The following FBXO34 variants were observed in gnomAD, a reference collection of about 807,000 sequenced individuals.
The protein encoded by FBXO34 is F-box only protein 34.
Under a neutral mutation model 24.5 loss-of-function variants are expected in FBXO34, and 12 were observed. The ratio of observed to expected loss-of-function variants is 0.49; its 90% CI spans 0.31 to 0.79. The LOEUF (loss-of-function observed/expected upper bound fraction) is 0.79, where lower values mean the gene tolerates loss of function less well. Among genes scored for constraint, FBXO34 ranks in the 30% least tolerant of loss-of-function variants. The pLI, the probability that FBXO34 is intolerant of heterozygous loss-of-function variation, is 0.04. For missense variants in FBXO34, 823 were observed against 857.7 expected, an observed-to-expected ratio of 0.96 and a Z score of 0.51; for synonymous variants, 320 against 311.9, an observed-to-expected ratio of 1.03 and a Z score of -0.27.
At chr14:55,439,623 C>CCG in the FBXO34 span, among the ~76,000 whole-genome samples, 3 of 136,742 alleles carry the variant, frequency 2.2e-5, no homozygotes, top group African/African-American at 8.0e-5. Context: ...AACCCCCCCC[C>CCG]GTCTCTACTA....
the FBXO34 span, among the ~76,000 whole-genome samples, chr14:55,388,861 G>C: frequency 6.6e-6 from 1 of 152,306 alleles, no homozygotes; most frequent in Admixed American, 6.5e-5. Context: ...GCTATTCAAA[G>C]TGTGGCGTCT....
chr14:55,323,226 T>TATATATATATATATATATATATATATATA (rs1491370677), intron 1 of FBXO34, among the ~76,000 whole-genome samples: 1 of 20,526 alleles, frequency 4.9e-5, no homozygotes, highest in African/African-American at 7.2e-4. Flanking sequence ...AAAATATATA[T>TATATATATATATATATATATATATATATA]TTTTTTTTTT....
intron 1 of FBXO34, chr14:55,298,909 C>A: frequency 6.3e-7 from 1 of 1,583,468 alleles, no homozygotes; most frequent in Non-Finnish European, 8.7e-7. Context: ...AATGCCAACA[C>A]CAATACCGAG....
intron 1 of FBXO34, among the ~76,000 whole-genome samples, chr14:55,337,403 C>T (rs564441223): frequency 6.6e-6 from 1 of 152,318 alleles, no homozygotes; most frequent in South Asian, 2.1e-4. Context: ...ATGTTCTCTT[C>T]CATGTGTTCT....
chr14:55,392,897 G>A, the FBXO34 span, among the ~76,000 whole-genome samples: 1 of 152,124 alleles, frequency 6.6e-6, no homozygotes, highest in Non-Finnish European at 1.5e-5. Flanking sequence ...GAGGGGTTCA[G>A]AAATATATCA....
At chr14:55,298,476 A>C (rs541891203) in intron 1 of FBXO34, among the ~76,000 whole-genome samples, 1 of 152,312 alleles carries the variant, frequency 6.6e-6, no homozygotes, top group South Asian at 2.1e-4. Flanking sequence ...ACATACACAG[A>C]AGTAGAGTCA....
At chr14:55,307,850 G>C (rs1032540791) in intron 1 of FBXO34, among the ~76,000 whole-genome samples, 3 of 152,178 alleles carry the variant, frequency 2.0e-5, no homozygotes, top group African/African-American at 7.2e-5. Flanking sequence ...ATGACTGTTA[G>C]CATTTATTCC....
At chr14:55,440,441 CT>C in the FBXO34 span, 1 of 1,613,028 alleles carries the variant, frequency 6.2e-7, no homozygotes, top group Non-Finnish European at 8.5e-7. Flanking sequence ...AGGTCTCCTC[CT>C]GCTCCATGGA....
chr14:55,360,348 C>T (rs1884577319), intron 3 of FBXO34, among the ~76,000 whole-genome samples: 1 of 152,162 alleles, frequency 6.6e-6, no homozygotes, highest in Non-Finnish European at 1.5e-5. Flanking sequence ...GCTGGGATGA[C>T]AGGCATGAGC....
chr14:55,439,511 C>T, the FBXO34 span, among the ~76,000 whole-genome samples: 1 of 150,914 alleles, frequency 6.6e-6, no homozygotes, highest in East Asian at 2.0e-4. Flanking sequence ...GGCGGGGGGC[C>T]AGGAGTGGTG....
chr14:55,377,767 T>C, the FBXO34 span: 7 of 1,366,326 alleles, frequency 5.1e-6, no homozygotes, highest in Admixed American at 2.3e-5. Flanking sequence ...ATACAACTCC[T>C]CTAACAGGAT....
intron 1 of FBXO34, among the ~76,000 whole-genome samples, chr14:55,340,977 A>T (rs2209808): frequency 0.36 from 54,691 of 151,906 alleles, 10,463 homozygotes; most frequent in Non-Finnish European, 0.42. Context: ...AAATATTTTT[A>T]AAAAATTTAT....
rs1445702395 is a variant in FBXO34, at chr14:55,276,740, T to TAAA, written c.-11+5205_-11+5206insAAA. Among the ~76,000 whole-genome samples, 4 of 152,340 alleles carry TAAA rather than the reference T, an allele frequency of 2.6e-5. No homozygotes were observed. In the East Asian group the frequency reaches 5.8e-4, roughly 22 times the overall value. ...TAAACAGTTCCAGGTGCAGGGGCTT[T>TAAA]AAGACTATTACAAGGTGATAGATTC... On this transcript the variant is annotated intron_variant, in intron 1 of 1. Transcript: ENST00000313833.
intron 1 of FBXO34, among the ~76,000 whole-genome samples, chr14:55,345,736 T>C (rs929988743): frequency 3.3e-5 from 5 of 152,220 alleles, no homozygotes; most frequent in Non-Finnish European, 7.3e-5. Context: ...GTGTGGTGGC[T>C]CACTCCTGTA....
chr14:55,372,391 C>A (rs1201127869), downstream of FBXO34, among the ~76,000 whole-genome samples: 1 of 152,116 alleles, frequency 6.6e-6, no homozygotes, highest in Non-Finnish European at 1.5e-5. Flanking sequence ...TGGGCTCCCT[C>A]CTTTACTAAA....
chr14:55,363,063 C>T (rs1010790965), downstream of FBXO34, among the ~76,000 whole-genome samples: 1 of 146,388 alleles, frequency 6.8e-6, no homozygotes. Flanking sequence ...GCTCTTGTTG[C>T]CCAGGCTGGA....
chr14:55,418,787 C>T, the FBXO34 span, among the ~76,000 whole-genome samples: 1 of 152,206 alleles, frequency 6.6e-6, no homozygotes, highest in Non-Finnish European at 1.5e-5. Flanking sequence ...CAAGGCATCA[C>T]AGCAAAATTC....
intron 1 of FBXO34, among the ~76,000 whole-genome samples, chr14:55,343,409 C>T (rs1202849645): frequency 6.6e-6 from 1 of 152,040 alleles, no homozygotes; most frequent in Non-Finnish European, 1.5e-5. Context: ...TGCCACCACA[C>T]CCGGCTAATT....
At chr14:55,414,681 A>G in the FBXO34 span, among the ~76,000 whole-genome samples, 2 of 152,220 alleles carry the variant, frequency 1.3e-5, no homozygotes, top group African/African-American at 4.8e-5. Context: ...TGTGGGTGTC[A>G]TCTTTGCTCA....
Sources: allele counts gnomAD v4.1 joint callset (sites outside exome capture counted in the v4.1 genomes callset), GRCh38; gene constraint gnomAD v4.1.1; transcripts MANE v1.5; gene names NCBI Gene and HGNC (gene_info 2026-07-23, HGNC 2026-07-21).